Variants in CHURC1 observed in about 807,000 individuals in gnomAD.
CHURC1 encodes the protein churchill domain containing 1, also known as protein Churchill.
A neutral mutation model predicts 15.4 loss-of-function variants in CHURC1; 12 were observed. The ratio of observed to expected loss-of-function variants is 0.78; its 90% CI spans 0.50 to 1.27. The LOEUF is 1.27. Ranked by LOEUF, CHURC1 falls within the 50% of genes most tolerant of loss-of-function variation. CHURC1 has a pLI of 0.00. For missense variants in CHURC1, 132 were observed against 137.8 expected (o/e 0.96, Z 0.21); for synonymous variants, 42 against 47.5 (o/e 0.88, Z 0.48).
chr14:64,926,188 G>A, intron 3 of CHURC1, 108 bp downstream of exon 3: 2 of 541,830 alleles, frequency 3.7e-6, no homozygotes, highest in East Asian at 7.6e-5. Context: ...CAAAGCGTTA[G>A]CATATATTAA....
chr14:64,926,507 C>T (rs1480542855), intron 3 of CHURC1, among the ~76,000 whole-genome samples: 2 of 152,200 alleles, frequency 1.3e-5, no homozygotes, highest in Non-Finnish European at 2.9e-5. Flanking sequence ...CACATTCTAG[C>T]TTCTTATGAG....
chr14:64,923,215 T>C (rs1004186174), intron 1 of CHURC1, among the ~76,000 whole-genome samples: 4 of 148,862 alleles, frequency 2.7e-5, no homozygotes, highest in African/African-American at 5.1e-5. Flanking sequence ...GGAAGATCAT[T>C]TGAGCCCAGG....
rs1263790876 is a variant in CHURC1 at position 64,932,648 on chromosome 14, A to AG, written c.*418_*419insG. 5.3e-6 allele frequency: 1 copy of AG among 187,640 alleles called. No homozygotes were observed. The highest frequency in any genetic ancestry group is 2.4e-5 in the African/African-American group (1 of 41,942). 11.6% of individuals were successfully genotyped at this position (187,640 alleles called of 1,614,324 possible). A position where few individuals can be genotyped will look rare whatever the true frequency, so the allele number is the denominator to read the frequency against. On this transcript the variant is annotated 3_prime_UTR_variant, in exon 4 of 4. Coordinates refer to ENST00000549115, the MANE Select transcript of CHURC1 (RefSeq NM_001386928.1). ...AAAATGAAGTACTGAAATTAAAAAA[A>AG]AAAAATCATAGTGATTGGGAGTATG...
intron 3 of CHURC1, among the ~76,000 whole-genome samples, chr14:64,927,570 C>T (rs1300486114): frequency 6.6e-6 from 1 of 152,120 alleles, no homozygotes; most frequent in East Asian, 1.9e-4. Flanking sequence ...CTGAATGCAG[C>T]CGTTTTCAAA....
rs777993786 is a variant in CHURC1 at position 64,914,552 on chromosome 14, C to G, written c.39+18C>G. On this transcript the variant is annotated intron_variant, in intron 1 of 3. Transcript: ENST00000549115. ...CCAACCGGGTGAGCGACTGGGCGCT[C>G]CCTTGGCCCGCGGGCGGCCCCCGAG... 1.2e-6 allele frequency: 2 copies of G among 1,614,124 alleles called. No homozygotes were observed. Among genetic ancestry groups the G allele is most frequent in the East Asian group, 2.2e-5 (1 of 44,878 alleles).
In CHURC1 at chr14:64,934,289, G is replaced by C. The variant is rs1020230064; in HGVS notation, c.*2059G>C. ...CTTGAACCCGCGACAGGGAGGTTGTGATGAGCCAAGGTCATGCCACTGCAC... is the reference window on the plus strand; with the variant it reads ...CTTGAACCCGCGACAGGGAGGTTGTCATGAGCCAAGGTCATGCCACTGCAC... On this transcript the variant is annotated 3_prime_UTR_variant, in exon 4 of 4. Coordinates refer to ENST00000549115, the MANE Select transcript of CHURC1 (RefSeq NM_001386928.1). 2.3e-6 allele frequency: 1 copy of C among 425,708 alleles called. No homozygotes were observed. Among genetic ancestry groups the C allele is most frequent in the Non-Finnish European group, 3.1e-6 (1 of 318,770 alleles). 26.4% of individuals were successfully genotyped at this position (425,708 alleles called of 1,614,324 possible).
intron 1 of CHURC1, among the ~76,000 whole-genome samples, chr14:64,916,001 G>C (rs1268437831): frequency 1.3e-5 from 2 of 152,126 alleles, no homozygotes; most frequent in East Asian, 3.8e-4. Flanking sequence ...ACTGCTAATG[G>C]GTGATGCAAG....
At chr14:64,917,792 A>G (rs529962761) in intron 1 of CHURC1, among the ~76,000 whole-genome samples, 33 of 152,340 alleles carry the variant, frequency 2.2e-4, no homozygotes, top group Admixed American at 7.8e-4. Context: ...CCTATACATG[A>G]TCACATGATC....
At chr14:64,914,619 G>T in intron 1 of CHURC1, 85 bp downstream of exon 1, 1 of 1,595,754 alleles carries the variant, frequency 6.3e-7, no homozygotes, top group South Asian at 1.1e-5. Context: ...GAGGCCGTAC[G>T]TGGGGCGGAC....
intron 1 of CHURC1, among the ~76,000 whole-genome samples, chr14:64,922,273 G>C (rs1423824062): frequency 6.6e-6 from 1 of 151,846 alleles, no homozygotes; most frequent in Admixed American, 6.6e-5. Context: ...TACCTCAGTA[G>C]ATTTTATTAA....
rs1885119143 is a variant in CHURC1 at position 64,932,211 on chromosome 14, A to G, written c.320A>G (p.Gln107Arg). The change falls in exon 4 of 4, where the codon CAA (glutamine) becomes CGA (arginine). Residue 107 changes from glutamine (Q) to arginine (R), a missense_variant. Physicochemically the swap from Gln to Arg is conservative, Grantham distance 43. Transcript: ENST00000549115. ...AGTATTCTCCCTGATGACCCCCGACAAATGACTCTCTTATTCTAAGGATCC... is the reference window on the plus strand; with the variant it reads ...AGTATTCTCCCTGATGACCCCCGACGAATGACTCTCTTATTCTAAGGATCC... The part of the protein sequence containing the change: ...TISILPDDPR[Q>R]MTLLF 34 of 1,614,074 alleles carry G rather than the reference A, an allele frequency of 2.1e-5. No homozygotes were observed. The highest frequency in any genetic ancestry group is 2.9e-5 in the Non-Finnish European group (34 of 1,179,942).
rs1460345503 is a variant in CHURC1 at position 64,933,359 on chromosome 14, A to T, written c.*1129A>T. 1 of 985,140 alleles carries T rather than the reference A, an allele frequency of 1.0e-6. No individual in the cohort carries two copies. Among genetic ancestry groups the T allele is most frequent in the Non-Finnish European group, 1.2e-6 (1 of 829,604 alleles). The allele number at this position is 985,140 out of a possible 1,614,324, so 61.0% of individuals were successfully genotyped here. ...GAATACAGTGTGGACTTCAGTTAATATAAATGAGAAAATGGTTTCATTGGC... is the reference window on the plus strand; with the variant it reads ...GAATACAGTGTGGACTTCAGTTAATTTAAATGAGAAAATGGTTTCATTGGC... On this transcript the variant is annotated 3_prime_UTR_variant, in exon 4 of 4. Transcript: ENST00000549115.
intron 3 of CHURC1, among the ~76,000 whole-genome samples, chr14:64,929,202 A>G (rs1269029792): frequency 1.3e-5 from 2 of 151,448 alleles, no homozygotes; most frequent in Non-Finnish European, 2.9e-5. Context: ...TTTCCCTTTT[A>G]CTCCGTAAGC....
chr14:64,923,494 C>T (rs1884467329), intron 1 of CHURC1, among the ~76,000 whole-genome samples: 1 of 152,104 alleles, frequency 6.6e-6, no homozygotes, highest in Non-Finnish European at 1.5e-5. Context: ...TGAGAGTTTA[C>T]TTTTGTTTAT....
intron 1 of CHURC1, among the ~76,000 whole-genome samples, chr14:64,919,838 T>G (rs1449362149): frequency 6.6e-6 from 1 of 151,258 alleles, no homozygotes; most frequent in Non-Finnish European, 1.5e-5. Flanking sequence ...GAGCCAAGAT[T>G]GCGCCACAGC....
chr14:64,931,955 AAAC>A (rs1594906817), intron 3 of CHURC1, among the ~76,000 whole-genome samples, 180 bp from the exon 4 acceptor site: 1 of 152,272 alleles, frequency 6.6e-6, no homozygotes, highest in East Asian at 1.9e-4. Flanking sequence ...CAATTTATAT[AAAC>A]AACAGGCTCT....
At chr14:64,930,212 G>A (rs534125727) in intron 3 of CHURC1, among the ~76,000 whole-genome samples, 1 of 152,200 alleles carries the variant, frequency 6.6e-6, no homozygotes, top group Admixed American at 6.5e-5. Context: ...CCCAGTTGGA[G>A]CCTTTGAGAG....
intron 3 of CHURC1, 24 bp from the exon 4 acceptor site, chr14:64,932,114 A>G (rs1885109714): frequency 6.2e-7 from 1 of 1,606,340 alleles, no homozygotes; most frequent in East Asian, 2.2e-5. Flanking sequence ...CCTCTAGGTA[A>G]TTATGCACTT....
intron 3 of CHURC1, among the ~76,000 whole-genome samples, chr14:64,927,814 T>C (rs899705098): frequency 9.3e-5 from 14 of 150,028 alleles, no homozygotes; most frequent in African/African-American, 3.4e-4. Context: ...TGTGTGCCTA[T>C]AGTTCGAGCT....
Sources: gnomAD v4.1 joint callset for allele counts (sites outside exome capture counted in the v4.1 genomes callset) on GRCh38, gnomAD v4.1.1 for gene constraint, MANE v1.5 for transcripts, NCBI Gene and HGNC (gene_info 2026-07-23, HGNC 2026-07-21) for gene names.